The following IMMP2L variants were observed in gnomAD, a reference collection of about 807,000 sequenced individuals.
IMMP2L encodes inner mitochondrial membrane peptidase subunit 2, also known as mitochondrial inner membrane protease subunit 2.
Under a neutral mutation model 19.3 loss-of-function variants are expected in IMMP2L, and 18 were observed. That is an observed-to-expected ratio of 0.93 (90% CI 0.64 to 1.38). The LOEUF (loss-of-function observed/expected upper bound fraction) is 1.38. IMMP2L is among the 40% of genes most tolerant of loss of function. The pLI, the probability that IMMP2L is intolerant of heterozygous loss-of-function variation, is 0.00. For missense variants in IMMP2L, 233 were observed against 218.2 expected (o/e 1.07, Z -0.43); for synonymous variants, 76 against 73.0 (o/e 1.04, Z -0.21).
intron 3 of IMMP2L, among the ~76,000 whole-genome samples, chr7:111,364,746 G>GA (rs1366670508): frequency 6.6e-6 from 1 of 151,814 alleles, no homozygotes; most frequent in Non-Finnish European, 1.5e-5. Flanking sequence ...CAAGGCAGGC[G>GA]AATCACTTGA....
intron 3 of IMMP2L, among the ~76,000 whole-genome samples, chr7:111,036,062 AT>A (rs894414642): frequency 1.4e-4 from 21 of 152,150 alleles, no homozygotes; most frequent in Admixed American, 2.6e-4. Flanking sequence ...TATTATTACT[AT>A]TTTTTATTAT....
chr7:111,255,710 G>A (rs530531080), intron 3 of IMMP2L, among the ~76,000 whole-genome samples: 65 of 152,158 alleles, frequency 4.3e-4, no homozygotes, highest in Non-Finnish European at 7.2e-4. Context: ...AGGGATAGAT[G>A]AGTCAGGACT....
At chr7:110,794,401 G>C (rs1480338128) in intron 5 of IMMP2L, among the ~76,000 whole-genome samples, 1 of 152,042 alleles carries the variant, frequency 6.6e-6, no homozygotes, top group Admixed American at 6.6e-5. Context: ...GTCTGAAAAG[G>C]CTATCTACTG....
chr7:111,308,679 T>C (rs1823159415), intron 3 of IMMP2L, among the ~76,000 whole-genome samples: 1 of 151,966 alleles, frequency 6.6e-6, no homozygotes, highest in African/African-American at 2.4e-5. Context: ...AAAGTACCTT[T>C]GTCATAAACT....
chr7:111,287,301 C>T (rs761920228), intron 3 of IMMP2L, among the ~76,000 whole-genome samples: 1 of 152,122 alleles, frequency 6.6e-6, no homozygotes, highest in African/African-American at 2.4e-5. Flanking sequence ...AATCTCTAAA[C>T]GTACATATTC....
At chr7:110,720,119 G>C (rs1020125790) in intron 5 of IMMP2L, among the ~76,000 whole-genome samples, 2 of 152,072 alleles carry the variant, frequency 1.3e-5, no homozygotes, top group African/African-American at 2.4e-5. Context: ...ACAGATCATC[G>C]TTACTGGATG....
At chr7:111,038,617 C>T (rs1177097816) in intron 3 of IMMP2L, among the ~76,000 whole-genome samples, 1 of 152,006 alleles carries the variant, frequency 6.6e-6, no homozygotes, top group Admixed American at 6.6e-5. Context: ...AAAACAGACC[C>T]TTGGGCATAA....
At chr7:111,205,624 TA>T (rs375116537) in intron 3 of IMMP2L, among the ~76,000 whole-genome samples, 1,800 of 150,236 alleles carry the variant, frequency 0.012, 10 homozygotes, top group South Asian at 0.035. Context: ...TCCATATCAG[TA>T]AAAAAAAACA....
intron 3 of IMMP2L, among the ~76,000 whole-genome samples, chr7:111,361,857 A>G (rs1829291684): frequency 6.6e-6 from 1 of 152,140 alleles, no homozygotes; most frequent in South Asian, 2.1e-4. Flanking sequence ...ACATTTTACA[A>G]AATGGTTTGT....
chr7:111,067,480 G>A (rs1482170340), intron 3 of IMMP2L, among the ~76,000 whole-genome samples: 1 of 152,198 alleles, frequency 6.6e-6, no homozygotes, highest in African/African-American at 2.4e-5. Flanking sequence ...TTCTCCCCCA[G>A]TGGAACTGCC....
intron 5 of IMMP2L, among the ~76,000 whole-genome samples, chr7:110,876,757 T>C (rs1809115152): frequency 1.3e-5 from 2 of 152,156 alleles, no homozygotes; most frequent in Admixed American, 1.3e-4. Context: ...TTGCATTTTC[T>C]ACCTATATCC....
chr7:110,851,385 A>C (rs1156837001), intron 5 of IMMP2L, among the ~76,000 whole-genome samples: 5 of 152,196 alleles, frequency 3.3e-5, no homozygotes, highest in Non-Finnish European at 7.4e-5. Context: ...TGATGCACAG[A>C]GGAATTAATG....
chr7:111,336,537 T>C (rs188612632), intron 3 of IMMP2L, among the ~76,000 whole-genome samples: 44 of 152,206 alleles, frequency 2.9e-4, no homozygotes, highest in African/African-American at 1.0e-3. Context: ...AAAAATTATC[T>C]CTAACAGTAA....
chr7:111,440,643 C>A (rs1475405967), intron 3 of IMMP2L, among the ~76,000 whole-genome samples: 1 of 151,852 alleles, frequency 6.6e-6, no homozygotes, highest in Non-Finnish European at 1.5e-5. Flanking sequence ...CTAGGATTTT[C>A]AGAGTGGTCA....
intron 3 of IMMP2L, among the ~76,000 whole-genome samples, chr7:111,115,880 T>C (rs1023567313): frequency 2.6e-5 from 4 of 152,102 alleles, no homozygotes; most frequent in African/African-American, 9.7e-5. Flanking sequence ...TTTCACTATG[T>C]TGACCAGGCT....
chr7:111,270,833 G>T (rs1818382748), intron 3 of IMMP2L, among the ~76,000 whole-genome samples: 1 of 151,902 alleles, frequency 6.6e-6, no homozygotes, highest in South Asian at 2.1e-4. Flanking sequence ...TATAACAATT[G>T]GATTTTGTTT....
chr7:111,037,187 C>A lies in IMMP2L; in HGVS notation c.240-73622G>T, dbSNP rs554991802. Among the ~76,000 whole-genome samples the A allele has an allele frequency of 5.0e-4, 76 of 152,198 alleles. 1 individual carries two copies. The South Asian group carries it at 0.014, about 29-fold the overall frequency. On this transcript the variant is annotated intron_variant, in intron 3 of 5. Coordinates refer to ENST00000405709, the MANE Select transcript of IMMP2L (RefSeq NM_032549.4). ...GGCAGGTGCTTCAATACTTAAAATG[C>A]TAAGATTCTTAAACCAAACTAACAT...
Position 111,185,550 on chromosome 7 carries a change from CAATT to C in IMMP2L, c.240-221989_240-221986del, listed in dbSNP as rs1236159972. ...ACCTCAAAGGATAAAAAGAACCTAA[CAATT>C]AACCACAAAAATATATTATGTAAAC... On this transcript the variant is annotated intron_variant, in intron 3 of 5. Transcript: ENST00000405709. Among the ~76,000 whole-genome samples the C allele has an allele frequency of 4.6e-5, 7 of 152,066 alleles. No individual in the cohort carries two copies. The East Asian group carries it at 9.6e-4, about 21-fold the overall frequency.
chr7:111,445,974 C>T (rs868535199), intron 3 of IMMP2L, among the ~76,000 whole-genome samples: 21 of 152,152 alleles, frequency 1.4e-4, no homozygotes, highest in African/African-American at 4.8e-4. Flanking sequence ...GGGTCACTCC[C>T]ACCCGAATAT....
Sources: allele counts gnomAD v4.1 joint callset (sites outside exome capture counted in the v4.1 genomes callset), GRCh38; gene constraint gnomAD v4.1.1; transcripts MANE v1.5; gene names NCBI Gene and HGNC (gene_info 2026-07-23, HGNC 2026-07-21).